The following KCNIP4 variants were observed in gnomAD, a reference collection of about 807,000 sequenced individuals.
The protein encoded by KCNIP4 is Kv channel-interacting protein 4.
KCNIP4 carries 12 observed loss-of-function variants against 34.0 expected under a neutral mutation model. That is an observed-to-expected ratio of 0.35 (90% confidence interval 0.23 to 0.57). The LOEUF is 0.57. KCNIP4 is among the 20% of genes least tolerant of loss of function. The probability of loss-of-function intolerance (pLI) is 0.83; values close to 1 mark genes in which losing one functional copy is unlikely to be tolerated. For missense variants in KCNIP4, 238 were observed against 311.7 expected (o/e 0.76, Z 1.78); for synonymous variants, 124 against 102.2 (o/e 1.21, Z -1.29).
At chr4:21,123,336 C>CA (rs1324244424) in intron 1 of KCNIP4, among the ~76,000 whole-genome samples, 1 of 152,012 alleles carries the variant, frequency 6.6e-6, no homozygotes, top group Non-Finnish European at 1.5e-5. Context: ...CATTTCTGAG[C>CA]AAAAAACAGA....
intron 1 of KCNIP4, among the ~76,000 whole-genome samples, chr4:21,657,478 G>A (rs1227281517): frequency 6.6e-6 from 1 of 152,174 alleles, no homozygotes; most frequent in African/African-American, 2.4e-5. Flanking sequence ...TAGAGTTGAT[G>A]TGAGAATTAG....
At chr4:21,776,535 T>G (rs1309100399) in intron 1 of KCNIP4, among the ~76,000 whole-genome samples, 1 of 152,194 alleles carries the variant, frequency 6.6e-6, no homozygotes, top group Non-Finnish European at 1.5e-5. Flanking sequence ...AATCATCTAA[T>G]TTATCCTTTC....
intron 1 of KCNIP4, among the ~76,000 whole-genome samples, chr4:21,591,041 T>G (rs1420994108): frequency 6.6e-6 from 1 of 151,914 alleles, no homozygotes. Flanking sequence ...TTTAGATGTT[T>G]GAAAAATGTC....
chr4:21,878,631 T>C lies in KCNIP4; in HGVS notation c.61+69940A>G, dbSNP rs1257527290. ...ATGCTTTCAACATTATTTTAGCAAATTTACTACTTTAAAGCTTAGGTCACC... is the reference window on the plus strand; with the variant it reads ...ATGCTTTCAACATTATTTTAGCAAACTTACTACTTTAAAGCTTAGGTCACC... On this transcript the variant is annotated intron_variant, in intron 1 of 8. Transcript: ENST00000382152. Among the ~76,000 whole-genome samples, 3 of 152,326 alleles carry C rather than the reference T, an allele frequency of 2.0e-5. No individual in the cohort carries two copies. The East Asian group carries it at 5.8e-4, about 29-fold the overall frequency.
chr4:21,603,212 A>C (rs1702642806), intron 1 of KCNIP4, among the ~76,000 whole-genome samples: 2 of 152,146 alleles, frequency 1.3e-5, no homozygotes, highest in African/African-American at 4.8e-5. Flanking sequence ...CTAGTTTTCT[A>C]AATTTTGTGT....
intron 1 of KCNIP4, among the ~76,000 whole-genome samples, chr4:21,668,909 TAA>T (rs1201583558): frequency 3.3e-5 from 5 of 152,142 alleles, no homozygotes; most frequent in Admixed American, 6.6e-5. Context: ...TTGTTTTCAA[TAA>T]AAGTTATACC....
At chr4:21,209,982 T>C (rs7667740) in intron 1 of KCNIP4, among the ~76,000 whole-genome samples, 67,547 of 151,986 alleles carry the variant, frequency 0.44, 17,335 homozygotes, top group African/African-American at 0.72. Context: ...TGAAAGAAGC[T>C]CTTCCTCTGA....
At chr4:21,843,231 C>T (rs1308625282) in intron 1 of KCNIP4, 3 of 152,004 alleles carry the variant, frequency 2.0e-5, no homozygotes, top group African/African-American at 7.2e-5. Flanking sequence ...ATAATAGCTT[C>T]CACTTCTCGA....
Position 21,470,702 on chromosome 4 carries a change from G to A in KCNIP4, c.61+477869C>T, listed in dbSNP as rs566971218. On this transcript the variant is annotated intron_variant, in intron 1 of 8. Coordinates refer to ENST00000382152, the MANE Select transcript of KCNIP4 (RefSeq NM_025221.6). ...AGTCACAGACAAGAAGGAGGATTAA[G>A]GGTAATTACAACCCCAAAGAGCTTG... 4.6e-5 allele frequency among the ~76,000 whole-genome samples: 7 copies of A among 152,164 alleles called. No individual in the cohort carries two copies. In the East Asian group the frequency reaches 1.4e-3, roughly 30 times the overall value.
intron 1 of KCNIP4, among the ~76,000 whole-genome samples, chr4:21,482,061 G>A (rs1446060600): frequency 6.6e-6 from 1 of 151,934 alleles, no homozygotes; most frequent in East Asian, 1.9e-4. Context: ...TTACCATTAT[G>A]TAATGGCCTT....
At chr4:21,315,611 G>A (rs116331608) in intron 1 of KCNIP4, among the ~76,000 whole-genome samples, 2,353 of 152,148 alleles carry the variant, frequency 0.015, 56 homozygotes, top group East Asian at 0.055. Flanking sequence ...CTCCCAGACA[G>A]TACCAAATCG....
chr4:21,307,032 G>A (rs1242183241), intron 1 of KCNIP4, among the ~76,000 whole-genome samples: 1 of 152,070 alleles, frequency 6.6e-6, no homozygotes, highest in East Asian at 1.9e-4. Flanking sequence ...ATGTTGGTGA[G>A]GCTGGTTTTG....
intron 1 of KCNIP4, among the ~76,000 whole-genome samples, chr4:21,699,571 T>A (rs1330881414): frequency 6.6e-6 from 1 of 152,074 alleles, no homozygotes; most frequent in Non-Finnish European, 1.5e-5. Flanking sequence ...GAACTGACCG[T>A]GAGATGTTTA....
intron 1 of KCNIP4, among the ~76,000 whole-genome samples, chr4:21,141,477 T>C (rs1474111388): frequency 6.6e-6 from 1 of 152,202 alleles, no homozygotes; most frequent in Non-Finnish European, 1.5e-5. Context: ...TTTTTTGATA[T>C]TGTTTGTTCT....
chr4:20,957,682 G>T (rs1733456774), intron 1 of KCNIP4, among the ~76,000 whole-genome samples: 1 of 152,016 alleles, frequency 6.6e-6, no homozygotes, highest in South Asian at 2.1e-4. Context: ...TGCTTTATCT[G>T]CCATGAATGC....
intron 1 of KCNIP4, among the ~76,000 whole-genome samples, chr4:21,814,172 C>A (rs540237711): frequency 4.3e-4 from 65 of 152,260 alleles, no homozygotes; most frequent in Non-Finnish European, 7.2e-4. Context: ...TATTTCTAAT[C>A]TAACCTTTTC....
chr4:20,799,568 C>A (rs1167590467), intron 3 of KCNIP4, among the ~76,000 whole-genome samples: 3 of 152,176 alleles, frequency 2.0e-5, no homozygotes, highest in Non-Finnish European at 4.4e-5. Flanking sequence ...GATGTCCCAC[C>A]TTTCCAGGGA....
intron 1 of KCNIP4, among the ~76,000 whole-genome samples, chr4:21,636,791 A>C (rs1019621085): frequency 6.6e-6 from 1 of 152,234 alleles, no homozygotes; most frequent in Non-Finnish European, 1.5e-5. Context: ...ACCATTCTAC[A>C]TGAGTCCAAA....
chr4:21,214,397 C>T (rs940346224), intron 1 of KCNIP4, among the ~76,000 whole-genome samples: 2 of 152,082 alleles, frequency 1.3e-5, no homozygotes, highest in African/African-American at 2.4e-5. Flanking sequence ...GGTCCGTTTA[C>T]GTTCTGTCTC....
Sources: allele counts gnomAD v4.1 joint callset (sites outside exome capture counted in the v4.1 genomes callset), GRCh38; gene constraint gnomAD v4.1.1; transcripts MANE v1.5; gene names NCBI Gene and HGNC (gene_info 2026-07-23, HGNC 2026-07-21).